Variants in NPAS3 observed in about 807,000 individuals in gnomAD.
NPAS3 encodes the protein neuronal PAS domain protein 3.
Under a neutral mutation model 73.1 loss-of-function variants are expected in NPAS3, and 14 were observed. That is an observed-to-expected ratio of 0.19 (90% CI 0.13 to 0.30). The LOEUF (loss-of-function observed/expected upper bound fraction) is 0.30. Among genes scored for constraint, NPAS3 ranks in the 10% least tolerant of loss-of-function variants. NPAS3 has a pLI of 1.00. For synonymous variants in NPAS3, 620 were observed against 541.5 expected (o/e 1.14, Z -2.01); for missense variants, 1,096 against 1,250.0 (o/e 0.88, Z 1.86).
intron 5 of NPAS3, among the ~76,000 whole-genome samples, chr14:33,663,976 CA>C (rs1277086762): frequency 4.0e-4 from 57 of 142,156 alleles, no homozygotes; most frequent in South Asian, 9.1e-4. Context: ...TTAATCTTTT[CA>C]AAAAAAAAAA....
At chr14:33,520,790 G>A (rs1237177505) in intron 4 of NPAS3, among the ~76,000 whole-genome samples, 1 of 152,166 alleles carries the variant, frequency 6.6e-6, no homozygotes, top group African/African-American at 2.4e-5. Context: ...AAAATGGTCA[G>A]TTTCAACACA....
intron 2 of NPAS3, among the ~76,000 whole-genome samples, chr14:33,117,072 A>T (rs1488656033): frequency 2.0e-5 from 3 of 152,120 alleles, no homozygotes; most frequent in South Asian, 4.1e-4. Context: ...TATTTAAAAA[A>T]TTTGACACAT....
chr14:33,395,329 A>G (rs2047174957), intron 4 of NPAS3, among the ~76,000 whole-genome samples: 1 of 152,122 alleles, frequency 6.6e-6, no homozygotes. Flanking sequence ...TATCAGAAGC[A>G]TAGCTGTTAA....
intron 4 of NPAS3, among the ~76,000 whole-genome samples, chr14:33,534,843 T>G (rs769261746): frequency 2.0e-5 from 3 of 151,874 alleles, no homozygotes; most frequent in Non-Finnish European, 2.9e-5. Context: ...TGGGGCACAG[T>G]GGAATGGGGG....
At chr14:33,487,194 C>A (rs1050188592) in intron 4 of NPAS3, among the ~76,000 whole-genome samples, 4 of 152,134 alleles carry the variant, frequency 2.6e-5, no homozygotes, top group African/African-American at 9.7e-5. Flanking sequence ...ATGCTTATTT[C>A]TTCCTTAACA....
chr14:33,486,142 G>A (rs2051582415), intron 4 of NPAS3, among the ~76,000 whole-genome samples: 1 of 151,496 alleles, frequency 6.6e-6, no homozygotes, highest in African/African-American at 2.4e-5. Flanking sequence ...TGGAAGGAAT[G>A]CATTTTTTTT....
chr14:33,169,422 G>A (rs1456155955), intron 2 of NPAS3, among the ~76,000 whole-genome samples: 1 of 152,086 alleles, frequency 6.6e-6, no homozygotes, highest in African/African-American at 2.4e-5. Context: ...ATGAAAATTA[G>A]CTGGGAGTGG....
chr14:33,613,334 GAAGGTGAGC>G (rs1459368113), intron 5 of NPAS3, among the ~76,000 whole-genome samples: 2 of 152,200 alleles, frequency 1.3e-5, no homozygotes, highest in African/African-American at 4.8e-5. Context: ...GCTGAGATCA[GAAGGTGAGC>G]CTTCCCCTTC....
chr14:33,085,823 A>T (rs1489840205), intron 2 of NPAS3, among the ~76,000 whole-genome samples: 1 of 152,226 alleles, frequency 6.6e-6, no homozygotes, highest in Non-Finnish European at 1.5e-5. Flanking sequence ...AAGTATTATT[A>T]CGATTGAAAG....
At chr14:32,938,457 A>AAGAGAGAGAGAGAGAGAGAGAGAG, upstream of NPAS3, among the ~76,000 whole-genome samples, 1 of 68,668 alleles carries the variant, frequency 1.5e-5, no homozygotes, top group African/African-American at 6.5e-5. Flanking sequence ...CCCAACGAGA[A>AAGAGAGAGAGAGAGAGAGAGAGAG]AGAGAGAGAG....
At chr14:33,541,481 GGTAATTAAGATATCTGAAC>G (rs1364737201) in intron 4 of NPAS3, among the ~76,000 whole-genome samples, 1 of 152,118 alleles carries the variant, frequency 6.6e-6, no homozygotes, top group Non-Finnish European at 1.5e-5. Flanking sequence ...TAAATAGTCA[GGTAATTAAGATATCTGAAC>G]CATCCCTGAT....
In NPAS3 at chr14:33,473,001, G is replaced by A. The variant is rs539799975; in HGVS notation, c.469-87120G>A. ...GGATCTAAACGGAAATTTCCTGCGG[G>A]GGGAACTGTAAGCATGTTTGCTTGA... On this transcript the variant is annotated intron_variant, in intron 4 of 11. Transcript: ENST00000356141. 2.8e-5 allele frequency among the ~76,000 whole-genome samples: 4 copies of A among 143,578 alleles called. No homozygotes were observed. The South Asian group carries it at 8.3e-4, about 30-fold the overall frequency. 94.2% of individuals were successfully genotyped at this position (143,578 alleles called of 152,430 possible).
chr14:33,062,739 C>T (rs12889577), intron 2 of NPAS3, among the ~76,000 whole-genome samples: 17,677 of 152,180 alleles, frequency 0.12, 1,177 homozygotes, highest in African/African-American at 0.18. Context: ...TGTTGAACAG[C>T]GGCGTTCAAA....
intron 7 of NPAS3, among the ~76,000 whole-genome samples, chr14:33,771,153 G>A (rs1467447159): frequency 6.6e-6 from 1 of 152,196 alleles, no homozygotes; most frequent in Non-Finnish European, 1.5e-5. Flanking sequence ...TTGGATACAT[G>A]CTGTCAGACT....
chr14:33,397,402 G>A (rs926507752), intron 4 of NPAS3, among the ~76,000 whole-genome samples: 7 of 151,908 alleles, frequency 4.6e-5, no homozygotes, highest in South Asian at 2.1e-4. Context: ...GAGAATTTAC[G>A]CCATTTGCCC....
At chr14:33,031,446 A>G (rs891262929) in intron 1 of NPAS3, among the ~76,000 whole-genome samples, 18 of 152,120 alleles carry the variant, frequency 1.2e-4, no homozygotes, top group African/African-American at 4.3e-4. Context: ...TTTATGACGC[A>G]TGGCACCTTC....
chr14:33,651,366 G>A (rs1051273977), intron 5 of NPAS3, among the ~76,000 whole-genome samples: 1 of 152,156 alleles, frequency 6.6e-6, no homozygotes, highest in Non-Finnish European at 1.5e-5. Flanking sequence ...TGGGTAATAA[G>A]TACTTACTGA....
chr14:33,298,532 T>G (rs1398314577), intron 3 of NPAS3, among the ~76,000 whole-genome samples: 2 of 152,198 alleles, frequency 1.3e-5, no homozygotes, highest in Non-Finnish European at 2.9e-5. Context: ...AGCTTACATT[T>G]ACATGAATAA....
intron 5 of NPAS3, among the ~76,000 whole-genome samples, chr14:33,650,517 C>T (rs984369519): frequency 3.3e-5 from 5 of 152,194 alleles, no homozygotes; most frequent in Admixed American, 1.3e-4. Context: ...CTAGTGAGCT[C>T]CGAGCTTTGG....
Sources: allele counts gnomAD v4.1 joint callset (sites outside exome capture counted in the v4.1 genomes callset), GRCh38; gene constraint gnomAD v4.1.1; transcripts MANE v1.5; gene names NCBI Gene and HGNC (gene_info 2026-07-23, HGNC 2026-07-21).